The following SIRPB2 variants were observed in gnomAD, a reference collection of about 807,000 sequenced individuals.
The protein encoded by SIRPB2 is signal-regulatory protein beta-2.
A neutral mutation model predicts 27.1 loss-of-function variants in SIRPB2; 18 were observed. The ratio of observed to expected loss-of-function variants is 0.66; its 90% CI spans 0.46 to 0.98. The LOEUF (loss-of-function observed/expected upper bound fraction) is 0.98, where lower values mean the gene tolerates loss of function less well. Among genes scored for constraint, SIRPB2 ranks in the 50% least tolerant of loss-of-function variants. The pLI, the probability that SIRPB2 is intolerant of heterozygous loss-of-function variation, is 0.00. For synonymous variants in SIRPB2, 150 were observed against 164.6 expected (o/e 0.91, Z 0.68); for missense variants, 420 against 417.4 (o/e 1.01, Z -0.06).
At chr20:1,477,715 G>A (rs1178854383) in intron 3 of SIRPB2, among the ~76,000 whole-genome samples, 2 of 152,162 alleles carry the variant, frequency 1.3e-5, no homozygotes, top group Non-Finnish European at 2.9e-5. Flanking sequence ...TGCTCTTGTT[G>A]CCCAGGCTGG....
rs75844560 is a variant in SIRPB2, at chr20:1,480,725, A to G, written c.86-660T>C. The stretch of plus-strand genomic sequence containing the variant: ...TTGATCTCAGTTTCCAGCCTCCAGA[A>G]TTGTGAGAAATTACATTTCTATTGT... On this transcript the variant is annotated intron_variant, in intron 1 of 4. Coordinates refer to ENST00000359801, the MANE Select transcript of SIRPB2 (RefSeq NM_001122962.2). Among the ~76,000 whole-genome samples the G allele has an allele frequency of 3.6e-3, 549 of 152,226 alleles. 2 individuals carry two copies. The highest frequency in any genetic ancestry group is 5.7e-3 in the Admixed American group (87 of 15,290).
At chr20:1,477,128 G>C in intron 4 of SIRPB2, 1 of 1,528,778 alleles carries the variant, frequency 6.5e-7, no homozygotes, top group East Asian at 2.5e-5. Flanking sequence ...CAGTTACATG[G>C]CCCTGGCTAT....
At chr20:1,476,506 G>T in intron 4 of SIRPB2, 170 bp from the exon 5 acceptor site, 1 of 402,288 alleles carries the variant, frequency 2.5e-6, no homozygotes, top group Non-Finnish European at 3.4e-6. Context: ...TCTGCCCTGG[G>T]CCCAGAGAAC....
chr20:1,476,533 G>A (rs2123005950), intron 4 of SIRPB2, 197 bp from the exon 5 acceptor site: 1 of 367,672 alleles, frequency 2.7e-6, no homozygotes, highest in Non-Finnish European at 3.8e-6. Flanking sequence ...CCAATATTCT[G>A]CCTGCATCTG....
intron 1 of SIRPB2, among the ~76,000 whole-genome samples, chr20:1,480,714 C>T (rs994514084): frequency 1.1e-4 from 17 of 152,254 alleles, no homozygotes; most frequent in Non-Finnish European, 2.1e-4. Context: ...TCTCAGTTTC[C>T]AGCCTCCAGA....
intron 2 of SIRPB2, 81 bp from the exon 3 acceptor site, chr20:1,478,688 C>T: frequency 8.4e-7 from 1 of 1,185,862 alleles, no homozygotes. Context: ...GTTTTCCCTC[C>T]CTTCCTTCTT....
chr20:1,471,306 A>C (rs1179062469), downstream of SIRPB2, among the ~76,000 whole-genome samples: 1 of 152,228 alleles, frequency 6.6e-6, no homozygotes, highest in East Asian at 1.9e-4. Flanking sequence ...GGGTGTGTGC[A>C]CTTGTGCATG....
chr20:1,470,751 T>C (rs1299442265), downstream of SIRPB2: 1 of 151,960 alleles, frequency 6.6e-6, no homozygotes, highest in African/African-American at 2.4e-5. Flanking sequence ...TGAGTGGAGA[T>C]TTTAAATGCT....
chr20:1,487,273 G>T (rs184268132), intron 1 of SIRPB2, among the ~76,000 whole-genome samples: 1,621 of 152,162 alleles, frequency 0.011, 33 homozygotes, highest in African/African-American at 0.038. Flanking sequence ...AACTGAAAAT[G>T]TATAAGCCAT....
chr20:1,477,165 T>TA, intron 4 of SIRPB2, 173 bp downstream of exon 4: 1 of 1,581,324 alleles, frequency 6.3e-7, no homozygotes, highest in South Asian at 1.1e-5. Flanking sequence ...GCTGAGCTGT[T>TA]ATAACATGGT....
At chr20:1,471,968 G>A (rs747235935), downstream of SIRPB2, among the ~76,000 whole-genome samples, 2 of 152,132 alleles carry the variant, frequency 1.3e-5, no homozygotes, top group Non-Finnish European at 2.9e-5. Context: ...ACCATGGGAA[G>A]GGAAGGAAAG....
chr20:1,482,469 C>T lies in SIRPB2; in HGVS notation c.86-2404G>A, dbSNP rs188579939. On this transcript the variant is annotated intron_variant, in intron 1 of 4. Transcript: ENST00000359801. ...TCCGTGAGATCATTTTTAGCACCTG[C>T]ATAGTTGTCTTTCTGTGTCTGGCTC... Among the ~76,000 whole-genome samples the T allele has an allele frequency of 1.1e-3, 173 of 151,698 alleles. 1 individual carries two copies. The highest frequency in any genetic ancestry group is 6.8e-3 in the Middle Eastern group (2 of 294).
chr20:1,484,658 A>G (rs1050469687), intron 1 of SIRPB2, among the ~76,000 whole-genome samples: 10 of 151,950 alleles, frequency 6.6e-5, no homozygotes. Flanking sequence ...ATATCATCTT[A>G]CCCCAGTTGG....
At position 1,474,967 on chromosome 20, in the gene SIRPB2, C is replaced by T. The variant is rs1891669729; in HGVS notation, c.*1200G>A. 1 of 152,348 alleles carries T rather than the reference C, an allele frequency of 6.6e-6. No homozygotes were observed. The highest frequency in any genetic ancestry group is 2.4e-5 in the African/African-American group (1 of 41,438). 9.4% of individuals were successfully genotyped at this position (152,348 alleles called of 1,614,324 possible). On this transcript the variant is annotated 3_prime_UTR_variant, in exon 5 of 5. Coordinates refer to ENST00000359801, the MANE Select transcript of SIRPB2 (RefSeq NM_001122962.2). Reference sequence around the variant, plus strand: ...ACTCTGATTAGTCACTGAGGGTGCACAGGGAGGAGGCAGAGGCCTCAGGGT... The same window carrying T: ...ACTCTGATTAGTCACTGAGGGTGCATAGGGAGGAGGCAGAGGCCTCAGGGT...
At chr20:1,491,016 A>G (rs556963001) in intron 1 of SIRPB2, among the ~76,000 whole-genome samples, 1 of 152,242 alleles carries the variant, frequency 6.6e-6, no homozygotes, top group Non-Finnish European at 1.5e-5. Flanking sequence ...AAAGAGCTGC[A>G]GCATCTGACG....
intron 3 of SIRPB2, among the ~76,000 whole-genome samples, chr20:1,477,859 C>G (rs6074680): frequency 0.56 from 84,379 of 151,954 alleles, 24,742 homozygotes; most frequent in East Asian, 0.8. Context: ...ATTTTTATTA[C>G]AGACGGGGTT....
intron 1 of SIRPB2, among the ~76,000 whole-genome samples, chr20:1,485,218 T>A (rs2090713345): frequency 6.6e-6 from 1 of 152,176 alleles, no homozygotes; most frequent in South Asian, 2.1e-4. Flanking sequence ...ATTGTAGATT[T>A]CAAAATAGCT....
downstream of SIRPB2, among the ~76,000 whole-genome samples, chr20:1,472,171 C>T (rs1362779738): frequency 6.6e-6 from 1 of 152,076 alleles, no homozygotes; most frequent in Non-Finnish European, 1.5e-5. Context: ...TTTGGTGGGT[C>T]ATCTCACCTG....
At chr20:1,477,889 G>C (rs1051908070) in intron 3 of SIRPB2, 18 of 438,554 alleles carry the variant, frequency 4.1e-5, no homozygotes, top group Middle Eastern at 8.7e-4. Context: ...TGGTCAGGCT[G>C]GTCTTGAACT....
Sources: allele counts gnomAD v4.1 joint callset (sites outside exome capture counted in the v4.1 genomes callset), GRCh38; gene constraint gnomAD v4.1.1; transcripts MANE v1.5; gene names NCBI Gene and HGNC (gene_info 2026-07-23, HGNC 2026-07-21).